The following WWOX variants were observed in gnomAD, a reference collection of about 807,000 sequenced individuals.
WWOX encodes the protein WW domain-containing oxidoreductase.
WWOX carries 69 observed loss-of-function variants against 46.2 expected under a neutral mutation model. That is an observed-to-expected ratio of 1.49 (90% CI 1.23 to 1.82). The LOEUF (loss-of-function observed/expected upper bound fraction) is 1.82, where lower values mean the gene tolerates loss of function less well. WWOX is among the 40% of genes most tolerant of loss of function. WWOX has a pLI of 0.00. For synonymous variants in WWOX, 359 were observed against 202.6 expected, an observed-to-expected ratio of 1.77 and a Z score of -6.56; for missense variants, 919 against 542.6, an observed-to-expected ratio of 1.69 and a Z score of -6.89.
chr16:78,929,371 C>G (rs572945971), intron 8 of WWOX, among the ~76,000 whole-genome samples: 4 of 151,934 alleles, frequency 2.6e-5, no homozygotes, highest in African/African-American at 9.7e-5. Flanking sequence ...TTTTCTCCTG[C>G]TTGCCTTATT....
rs148609646 is a variant in WWOX, at chr16:78,195,821, CAAAAAAA to C, written c.516+31545_516+31551del. ...TGGGTGACAGAGCAAGACTCTGCCT[CAAAAAAA>C]AAAAAAAAAAAAGAAAAAAAAAAGA... On this transcript the variant is annotated intron_variant, in intron 5 of 8. Coordinates refer to ENST00000566780, the MANE Select transcript of WWOX (RefSeq NM_016373.4). Among the ~76,000 whole-genome samples the C allele has an allele frequency of 1.3e-4, 10 of 76,038 alleles. No individual in the cohort carries two copies. The East Asian group carries it at 3.9e-3, about 30-fold the overall frequency. The allele number at this position is 76,038 out of a possible 152,430, so 49.9% of individuals were successfully genotyped here. A position where few individuals can be genotyped will look rare whatever the true frequency, so the allele number is the denominator to read the frequency against.
intron 4 of WWOX, among the ~76,000 whole-genome samples, chr16:78,155,927 T>C (rs1018413514): frequency 1.3e-5 from 2 of 152,184 alleles, no homozygotes; most frequent in African/African-American, 4.8e-5. Context: ...TCTAGAGATA[T>C]GGTTTACTAT....
intron 8 of WWOX, among the ~76,000 whole-genome samples, chr16:78,733,691 G>A (rs1044378739): frequency 6.6e-6 from 1 of 151,992 alleles, no homozygotes; most frequent in Admixed American, 6.6e-5. Flanking sequence ...GGAGGTGGAG[G>A]TTGCAGTGAG....
intron 5 of WWOX, among the ~76,000 whole-genome samples, chr16:78,303,707 G>A (rs966872386): frequency 1.3e-5 from 2 of 152,132 alleles, no homozygotes; most frequent in African/African-American, 4.8e-5. Flanking sequence ...ACCATGCCCA[G>A]CTAATTGTGT....
chr16:78,859,032 A>G (rs2052648958), intron 8 of WWOX, among the ~76,000 whole-genome samples: 1 of 42,734 alleles, frequency 2.3e-5, no homozygotes, highest in Admixed American at 2.8e-4. Context: ...AAAAAAATAT[A>G]TATATATATA....
At chr16:78,800,709 T>C (rs190459497) in intron 8 of WWOX, among the ~76,000 whole-genome samples, 1 of 152,186 alleles carries the variant, frequency 6.6e-6, no homozygotes, top group Admixed American at 6.5e-5. Context: ...TCAGGCCTCT[T>C]TTCAGAATGA....
At chr16:79,066,963 T>C (rs1007724397) in intron 8 of WWOX, among the ~76,000 whole-genome samples, 6 of 152,126 alleles carry the variant, frequency 3.9e-5, no homozygotes, top group Non-Finnish European at 5.9e-5. Context: ...ATGGCAGAGA[T>C]GGCAGAGATA....
chr16:78,638,225 C>G lies in WWOX; in HGVS notation c.1056+205473C>G, dbSNP rs565020320. On this transcript the variant is annotated intron_variant, in intron 8 of 8. Coordinates refer to ENST00000566780, the MANE Select transcript of WWOX (RefSeq NM_016373.4). The stretch of plus-strand genomic sequence containing the variant: ...TTGTATTCCCATTTTGCAGACAAGC[C>G]AACGAAGGCTTGGAGGGGTTGAATG... Among the ~76,000 whole-genome samples, 9 of 152,260 alleles carry G rather than the reference C, an allele frequency of 5.9e-5. No homozygotes were observed. In the East Asian group the frequency reaches 1.7e-3, roughly 29 times the overall value.
intron 8 of WWOX, among the ~76,000 whole-genome samples, chr16:78,939,699 T>G (rs1316139319): frequency 6.6e-6 from 1 of 152,246 alleles, no homozygotes; most frequent in Non-Finnish European, 1.5e-5. Context: ...GTGTTTGGGC[T>G]TTGTAGGTAC....
intron 8 of WWOX, among the ~76,000 whole-genome samples, chr16:79,003,621 T>C (rs971315776): frequency 6.6e-6 from 1 of 152,140 alleles, no homozygotes; most frequent in African/African-American, 2.4e-5. Flanking sequence ...AGGATGGCTT[T>C]TGTCACATGT....
At position 78,721,779 on chromosome 16, in the gene WWOX, A is replaced by G. The variant is rs191925247; in HGVS notation, c.1056+289027A>G. On this transcript the variant is annotated intron_variant, in intron 8 of 8. Transcript: ENST00000566780. ...ACATACACAGGGCCAGGTACATAGC[A>G]GGTGCTCCGAAGATACCCCCGACTT... Among the ~76,000 whole-genome samples the G allele has an allele frequency of 2.8e-4, 42 of 152,328 alleles. 1 individual carries two copies. The East Asian group carries it at 7.7e-3, about 28-fold the overall frequency.
At chr16:79,127,473 A>G (rs1299121006) in intron 8 of WWOX, among the ~76,000 whole-genome samples, 1 of 152,166 alleles carries the variant, frequency 6.6e-6, no homozygotes, top group Non-Finnish European at 1.5e-5. Context: ...TGAGTATTAC[A>G]CTGTGTGGAT....
At chr16:78,266,917 A>G (rs546250816) in intron 5 of WWOX, among the ~76,000 whole-genome samples, 1 of 151,148 alleles carries the variant, frequency 6.6e-6, no homozygotes, top group Non-Finnish European at 1.5e-5. Context: ...CAGAATTCCC[A>G]TGTGTTGTGG....
chr16:78,225,878 T>G (rs2037037288), intron 5 of WWOX, among the ~76,000 whole-genome samples: 1 of 152,202 alleles, frequency 6.6e-6, no homozygotes, highest in Admixed American at 6.5e-5. Flanking sequence ...CTGTTCTCTG[T>G]TTTTATAATT....
At chr16:78,669,729 C>T (rs2142198803) in intron 8 of WWOX, among the ~76,000 whole-genome samples, 1 of 152,290 alleles carries the variant, frequency 6.6e-6, no homozygotes, top group Middle Eastern at 3.4e-3. Flanking sequence ...AATTGCCTTT[C>T]ATCCCTTCAA....
intron 8 of WWOX, among the ~76,000 whole-genome samples, chr16:79,052,431 GGTGTATA>G (rs2048186053): frequency 6.6e-6 from 1 of 152,068 alleles, no homozygotes; most frequent in Non-Finnish European, 1.5e-5. Flanking sequence ...CCCGTTACTG[GGTGTATA>G]CCCAAAGGAC....
intron 5 of WWOX, among the ~76,000 whole-genome samples, chr16:78,353,297 A>G (rs1490705066): frequency 6.6e-6 from 1 of 152,204 alleles, no homozygotes; most frequent in African/African-American, 2.4e-5. Flanking sequence ...ATTAAGGGAA[A>G]ATCAAGTAAA....
At chr16:78,539,083 T>A (rs1424970208) in intron 8 of WWOX, among the ~76,000 whole-genome samples, 1 of 152,224 alleles carries the variant, frequency 6.6e-6, no homozygotes, top group Non-Finnish European at 1.5e-5. Context: ...TGCGTAATAT[T>A]TCAGGAACTT....
At chr16:78,998,939 A>G (rs1238602527) in intron 8 of WWOX, among the ~76,000 whole-genome samples, 1 of 152,196 alleles carries the variant, frequency 6.6e-6, no homozygotes, top group Non-Finnish European at 1.5e-5. Context: ...AATGCCAGCA[A>G]CCAAACTTGC....
Sources: gnomAD v4.1 joint callset for allele counts (sites outside exome capture counted in the v4.1 genomes callset) on GRCh38, gnomAD v4.1.1 for gene constraint, MANE v1.5 for transcripts, NCBI Gene and HGNC (gene_info 2026-07-23, HGNC 2026-07-21) for gene names.